Variants in GAGE1 observed in about 807,000 individuals in gnomAD.
GAGE1 encodes G antigen 4.
A neutral mutation model predicts 5.0 loss-of-function variants in GAGE1; 5 were observed. The ratio of observed to expected loss-of-function variants is 1.00; its 90% CI spans 0.52 to 2.11. The LOEUF is 2.11. GAGE1 is among the 30% of genes most tolerant of loss of function. The pLI is 0.01. For synonymous variants in GAGE1, 6 were observed against 14.8 expected, an observed-to-expected ratio of 0.40 and a Z score of 1.37; for missense variants, 9 against 38.9, an observed-to-expected ratio of 0.23 and a Z score of 2.04.
chrX:49,607,666 G>C lies in GAGE1; in HGVS notation c.*1651G>C. 1 of 111,221 alleles carries C rather than the reference G, an allele frequency of 9.0e-6. No individual in the cohort carries two copies. The highest frequency in any genetic ancestry group is 1.9e-5 in the Non-Finnish European group (1 of 53,085). 9.2% of individuals were successfully genotyped at this position (111,221 alleles called of 1,213,427 possible). On this transcript the variant is annotated 3_prime_UTR_variant, in exon 5 of 5. Coordinates refer to ENST00000381700, the MANE Select transcript of GAGE1 (RefSeq NM_001040663.4). ...TTCAATTTGAAAGCTATCTGTTCCT[G>C]TTTCTCTGCTGATATTAACTCTCTG...
chrX:49,605,653 T>A (rs2066653095), intron 4 of GAGE1, among the ~76,000 whole-genome samples: 1 of 111,729 alleles, frequency 9.0e-6, no homozygotes, highest in African/African-American at 3.3e-5. Context: ...GGCTCACGCC[T>A]GTAATCCCAG....
intron 4 of GAGE1, among the ~76,000 whole-genome samples, chrX:49,604,383 A>G (rs782455106): frequency 1.8e-5 from 2 of 112,353 alleles, no homozygotes; most frequent in South Asian, 3.7e-4. Context: ...CTTTTAATCA[A>G]TACATAACAC....
intron 4 of GAGE1, among the ~76,000 whole-genome samples, chrX:49,604,425 T>C (rs1200762478): frequency 8.9e-6 from 1 of 112,579 alleles, no homozygotes; most frequent in East Asian, 2.8e-4. Context: ...GTGTGAAAAA[T>C]GCTGAAGCAC....
intron 4 of GAGE1, among the ~76,000 whole-genome samples, chrX:49,605,514 T>C (rs782238517): frequency 2.6e-4 from 29 of 112,323 alleles, no homozygotes; most frequent in Non-Finnish European, 4.9e-4. Context: ...ATTCCGAGAT[T>C]CAATTGGATA....
chrX:49,605,054 T>C (rs56205129), intron 4 of GAGE1: 2 of 1,023,349 alleles, frequency 2.0e-6, no homozygotes, highest in Admixed American at 5.0e-5. Flanking sequence ...AATGAACAAT[T>C]GCTTCTTAAA....
At chrX:49,604,306 TA>T (rs782805757) in intron 4 of GAGE1, among the ~76,000 whole-genome samples, 3 of 112,574 alleles carry the variant, frequency 2.7e-5, no homozygotes, top group Non-Finnish European at 3.7e-5. Flanking sequence ...TATGTTGAAT[TA>T]AAAGTTTTGA....
intron 4 of GAGE1, chrX:49,604,927 CCTCCTGAGTGGCTGGAA>C: frequency 2.4e-6 from 1 of 412,836 alleles, no homozygotes; most frequent in Non-Finnish European, 3.9e-6. Context: ...CCCACCTCAG[CCTCCTGAGTGGCTGGAA>C]CTACATGCAC....
At chrX:49,604,908 A>T (rs1211062093) in intron 4 of GAGE1, 6 of 324,087 alleles carry the variant, frequency 1.9e-5, no homozygotes, top group Non-Finnish European at 2.7e-5. Context: ...CCCAGGCTAA[A>T]GCAGTCCTCC....
At chrX:49,604,140 A>C (rs1241760052) in intron 4 of GAGE1, among the ~76,000 whole-genome samples, 3 of 112,877 alleles carry the variant, frequency 2.7e-5, no homozygotes, top group Non-Finnish European at 5.6e-5. Flanking sequence ...GGCGAGAGCC[A>C]CTGTGCCAGA....
chrX:49,606,049 T>A lies in GAGE1; in HGVS notation c.*34T>A, dbSNP rs1346892793. The stretch of plus-strand genomic sequence containing the variant: ...ATGCTGAAATGTTGCAGGCTGCTCC[T>A]ATGTTGGAAAATTCTTCATTGAAGT... On this transcript the variant is annotated 3_prime_UTR_variant, in exon 5 of 5. Coordinates refer to ENST00000381700, the MANE Select transcript of GAGE1 (RefSeq NM_001040663.4). 1.0e-6 allele frequency: 1 copy of A among 1,002,833 alleles called. No individual in the cohort carries two copies. Among genetic ancestry groups the A allele is most frequent in the Non-Finnish European group, 1.3e-6 (1 of 767,753 alleles). 82.6% of individuals were successfully genotyped at this position (1,002,833 alleles called of 1,213,427 possible).
At chrX:49,603,944 C>T (rs1451948619) in intron 4 of GAGE1, 151 bp downstream of exon 4, 34 of 979,541 alleles carry the variant, frequency 3.5e-5, no homozygotes, top group African/African-American at 5.7e-5. Context: ...ATTCTGTCTC[C>T]AGGGTTCAAG....
Position 49,607,307 on chromosome X carries a change from C to T in GAGE1, c.*1292C>T, listed in dbSNP as rs2066664662. Reference sequence around the variant, plus strand: ...AACCAACAATTTGGTCATGGGTAATCTATGTCCTAATAATTTATTTAAGGA... The same window carrying T: ...AACCAACAATTTGGTCATGGGTAATTTATGTCCTAATAATTTATTTAAGGA... On this transcript the variant is annotated 3_prime_UTR_variant, in exon 5 of 5. Coordinates refer to ENST00000381700, the MANE Select transcript of GAGE1 (RefSeq NM_001040663.4). The T allele has an allele frequency of 8.9e-6, 1 of 112,013 alleles. No individual in the cohort carries two copies. The highest frequency in any genetic ancestry group is 3.2e-5 in the African/African-American group (1 of 30,878). 9.2% of individuals were successfully genotyped at this position (112,013 alleles called of 1,213,427 possible).
intron 4 of GAGE1, among the ~76,000 whole-genome samples, chrX:49,604,373 C>G (rs1457028535): frequency 8.9e-6 from 1 of 112,160 alleles, no homozygotes; most frequent in African/African-American, 3.2e-5. Context: ...CAAAGGTCTG[C>G]TTTTAATCAA....
At chrX:49,604,221 G>C (rs782394889) in intron 4 of GAGE1, among the ~76,000 whole-genome samples, 1 of 112,515 alleles carries the variant, frequency 8.9e-6, no homozygotes, top group Non-Finnish European at 1.9e-5. Flanking sequence ...TTATATAAAG[G>C]TTATTTGAAA....
At chrX:49,605,115 C>A in intron 4 of GAGE1, 1 of 1,006,807 alleles carries the variant, frequency 9.9e-7, no homozygotes, top group Admixed American at 2.5e-5. Context: ...GGCAAGAGAC[C>A]GTTTAGTTCC....
At chrX:49,605,586 T>G (rs1359172547) in intron 4 of GAGE1, among the ~76,000 whole-genome samples, 8 of 111,932 alleles carry the variant, frequency 7.1e-5, no homozygotes, top group Non-Finnish European at 1.3e-4. Context: ...CAAACTGTAG[T>G]GTGCTTTGTA....
chrX:49,605,502 G>T (rs1378616428), intron 4 of GAGE1, among the ~76,000 whole-genome samples: 1 of 112,252 alleles, frequency 8.9e-6, no homozygotes, highest in Non-Finnish European at 1.9e-5. Flanking sequence ...CTCTCAAAGT[G>T]TATTCCGAGA....
In GAGE1 at chrX:49,605,249, A is replaced by G. The variant is rs781882839; in HGVS notation, c.332-744A>G. 30 of 655,437 alleles carry G rather than the reference A, an allele frequency of 4.6e-5. No homozygotes were observed. In the African/African-American group the frequency reaches 5.7e-4, roughly 12 times the overall value. 54.0% of individuals were successfully genotyped at this position (655,437 alleles called of 1,213,427 possible). ...CACTATTTCTAATAAGACTGTAGAC[A>G]CACATATGATATAATCATCTCTAAT... is the stretch of plus-strand genomic sequence containing the variant. On this transcript the variant is annotated intron_variant, in intron 4 of 4. Transcript: ENST00000381700.
intron 4 of GAGE1, chrX:49,605,039 C>T (rs142123887): frequency 9.8e-7 from 1 of 1,022,393 alleles, no homozygotes; most frequent in Admixed American, 2.5e-5. Flanking sequence ...GATTCTCTGG[C>T]TTTTAATGAA....
Sources: gnomAD v4.1 joint callset for allele counts (sites outside exome capture counted in the v4.1 genomes callset) on GRCh38, gnomAD v4.1.1 for gene constraint, MANE v1.5 for transcripts, NCBI Gene and HGNC (gene_info 2026-07-23, HGNC 2026-07-21) for gene names.